BABAM2: variants seen among roughly 807,000 people sequenced by gnomAD.
BABAM2 encodes the protein BRISC and BRCA1-A complex member 2.
BABAM2 carries 31 observed loss-of-function variants against 54.7 expected under a neutral mutation model. That is an observed-to-expected ratio of 0.57 (90% confidence interval 0.43 to 0.77). The LOEUF (loss-of-function observed/expected upper bound fraction) is 0.77. Ranked by LOEUF, BABAM2 falls within the 30% of genes least tolerant of loss-of-function variation. The pLI is 0.00. For missense variants in BABAM2, 364 were observed against 455.8 expected (o/e 0.80, Z 1.83); for synonymous variants, 167 against 162.9 (o/e 1.03, Z -0.19).
intron 3 of BABAM2, among the ~76,000 whole-genome samples, chr2:27,964,485 A>G (rs1247717308): frequency 6.6e-6 from 1 of 152,226 alleles, no homozygotes; most frequent in Admixed American, 6.5e-5. Context: ...ATGTAGTGCA[A>G]TTACTGCAAA....
At chr2:28,128,865 A>G (rs1669794537) in intron 6 of BABAM2, among the ~76,000 whole-genome samples, 1 of 150,856 alleles carries the variant, frequency 6.6e-6, no homozygotes, top group Non-Finnish European at 1.5e-5. Context: ...CTTACAACAT[A>G]CTGTCAAGGT....
intron 3 of BABAM2, among the ~76,000 whole-genome samples, chr2:27,979,581 C>G (rs1671858990): frequency 6.6e-6 from 1 of 152,084 alleles, no homozygotes; most frequent in Non-Finnish European, 1.5e-5. Context: ...TTCCCACCAA[C>G]AGTGTGTAAG....
intron 7 of BABAM2, among the ~76,000 whole-genome samples, chr2:28,204,864 C>T (rs1278398048): frequency 6.6e-6 from 1 of 152,066 alleles, no homozygotes; most frequent in African/African-American, 2.4e-5. Flanking sequence ...AACAATACCT[C>T]GCAGCCCCCC....
At chr2:28,281,909 A>C (rs1227339602) in intron 10 of BABAM2, among the ~76,000 whole-genome samples, 1 of 152,336 alleles carries the variant, frequency 6.6e-6, no homozygotes, top group East Asian at 1.9e-4. Flanking sequence ...AGACTGGAGC[A>C]GAGGTGAGCA....
chr2:28,327,534 G>C (rs1196544037), intron 11 of BABAM2: 3 of 1,407,804 alleles, frequency 2.1e-6, no homozygotes, highest in Non-Finnish European at 2.9e-6. Flanking sequence ...TCAGTCAGTT[G>C]TTGTTGAAGT....
At chr2:28,178,425 G>A (rs1465141238) in intron 7 of BABAM2, among the ~76,000 whole-genome samples, 1 of 152,064 alleles carries the variant, frequency 6.6e-6, no homozygotes, top group Admixed American at 6.5e-5. Context: ...AGAAATTAAG[G>A]AGGAAATCAC....
At chr2:28,129,820 A>C (rs1002352075) in intron 7 of BABAM2, among the ~76,000 whole-genome samples, 3 of 152,270 alleles carry the variant, frequency 2.0e-5, no homozygotes, top group African/African-American at 7.2e-5. Flanking sequence ...TAGTAAAGCT[A>C]ATATTAAAAG....
chr2:28,049,547 T>C (rs2148618572), intron 6 of BABAM2, among the ~76,000 whole-genome samples: 1 of 151,840 alleles, frequency 6.6e-6, no homozygotes, highest in East Asian at 1.9e-4. Flanking sequence ...ATGGATTGCA[T>C]GTAGAAATTT....
At chr2:28,229,967 C>T (rs1359511768) in intron 7 of BABAM2, among the ~76,000 whole-genome samples, 1 of 152,166 alleles carries the variant, frequency 6.6e-6, no homozygotes, top group Non-Finnish European at 1.5e-5. Flanking sequence ...TTAGACTTTG[C>T]TCCAAGGAGG....
intron 7 of BABAM2, among the ~76,000 whole-genome samples, chr2:28,189,278 T>C (rs752241713): frequency 3.9e-5 from 6 of 152,200 alleles, no homozygotes; most frequent in East Asian, 1.9e-4. Flanking sequence ...ATATAAATTA[T>C]AGTTTTCATT....
intron 2 of BABAM2, among the ~76,000 whole-genome samples, chr2:27,895,738 T>A (rs1665245298): frequency 6.6e-6 from 1 of 152,216 alleles, no homozygotes; most frequent in Non-Finnish European, 1.5e-5. Context: ...TGCCTATAAC[T>A]ATTACTACTC....
At chr2:28,205,546 C>A (rs898056779) in intron 7 of BABAM2, among the ~76,000 whole-genome samples, 1 of 151,796 alleles carries the variant, frequency 6.6e-6, no homozygotes, top group African/African-American at 2.4e-5. Flanking sequence ...CTATTATTAC[C>A]CCTACTTTAC....
chr2:28,005,066 A>G (rs765478992), intron 4 of BABAM2, among the ~76,000 whole-genome samples: 4 of 152,210 alleles, frequency 2.6e-5, no homozygotes, highest in African/African-American at 4.8e-5. Context: ...CAGTAAATCT[A>G]TACAGATTAA....
intron 8 of BABAM2, among the ~76,000 whole-genome samples, chr2:28,238,637 C>G (rs1019013299): frequency 1.3e-5 from 2 of 152,208 alleles, no homozygotes; most frequent in Non-Finnish European, 2.9e-5. Context: ...TGCTTCTCAT[C>G]AGACCAAATC....
At chr2:28,016,498 A>C (rs1674826456) in intron 4 of BABAM2, 3 of 975,408 alleles carry the variant, frequency 3.1e-6, no homozygotes, top group Middle Eastern at 2.1e-4. Context: ...TGGGCTGAGC[A>C]CACAGTCGCA....
At chr2:27,895,356 C>T (rs1167468652) in intron 2 of BABAM2, among the ~76,000 whole-genome samples, 1 of 152,132 alleles carries the variant, frequency 6.6e-6, no homozygotes, top group East Asian at 1.9e-4. Context: ...CTCAATTTTT[C>T]TTTGCCTATC....
chr2:28,291,850 G>T (rs76495770), intron 10 of BABAM2, among the ~76,000 whole-genome samples: 3,874 of 152,350 alleles, frequency 0.025, 78 homozygotes, highest in Non-Finnish European at 0.037. Flanking sequence ...GAATCCACAT[G>T]TCTCAAAGGT....
At chr2:28,191,070 G>C (rs191076469) in intron 7 of BABAM2, among the ~76,000 whole-genome samples, 2 of 152,162 alleles carry the variant, frequency 1.3e-5, no homozygotes, top group African/African-American at 4.8e-5. Context: ...ATATGACAAA[G>C]AACTGTTATC....
intron 10 of BABAM2, among the ~76,000 whole-genome samples, chr2:28,270,990 T>G (rs552790252): frequency 6.6e-6 from 1 of 152,188 alleles, no homozygotes; most frequent in South Asian, 2.1e-4. Context: ...CAGGTCTACA[T>G]GAGATGCAGG....
Sources: gnomAD v4.1 joint callset for allele counts (sites outside exome capture counted in the v4.1 genomes callset) on GRCh38, gnomAD v4.1.1 for gene constraint, MANE v1.5 for transcripts, NCBI Gene and HGNC (gene_info 2026-07-23, HGNC 2026-07-21) for gene names.